GALNT18: variants seen among roughly 807,000 people sequenced by gnomAD.
The protein encoded by GALNT18 is polypeptide N-acetylgalactosaminyltransferase 18, also known as GalNAc-transferase 18.
GALNT18 carries 44 observed loss-of-function variants against 69.5 expected under a neutral mutation model. The observed-to-expected ratio is 0.63, with a 90% confidence interval of 0.50 to 0.81. GALNT18 has a LOEUF of 0.81. Ranked by LOEUF, GALNT18 falls within the 40% of genes least tolerant of loss-of-function variation. The pLI is 0.00. For synonymous variants in GALNT18, 364 were observed against 318.2 expected (o/e 1.14, Z -1.53); for missense variants, 715 against 810.0 (o/e 0.88, Z 1.42).
chr11:11,428,055 C>A (rs1368127990), intron 3 of GALNT18, among the ~76,000 whole-genome samples: 1 of 152,258 alleles, frequency 6.6e-6, no homozygotes, highest in Non-Finnish European at 1.5e-5. Flanking sequence ...TCTGATCCAT[C>A]ACCCTCTTCC....
chr11:11,294,110 T>C (rs1271501554), intron 9 of GALNT18, among the ~76,000 whole-genome samples: 1 of 151,758 alleles, frequency 6.6e-6, no homozygotes, highest in Admixed American at 6.6e-5. Context: ...CTATGATTTA[T>C]GACAGCAAAA....
At chr11:11,612,914 G>A (rs1458431257) in intron 1 of GALNT18, among the ~76,000 whole-genome samples, 3 of 152,192 alleles carry the variant, frequency 2.0e-5, no homozygotes, top group Admixed American at 6.5e-5. Flanking sequence ...ATGGAAAGTA[G>A]CCCAGCAAAG....
chr11:11,501,012 G>A (rs1161730607), intron 1 of GALNT18, among the ~76,000 whole-genome samples: 1 of 152,232 alleles, frequency 6.6e-6, no homozygotes, highest in Admixed American at 6.5e-5. Flanking sequence ...ACTCCAAGGA[G>A]GCTGACTGCA....
Position 11,463,783 on chromosome 11 carries a change from T to A in GALNT18, c.236-14847A>T, listed in dbSNP as rs1856098386. Among the ~76,000 whole-genome samples the A allele has an allele frequency of 6.6e-6, 1 of 152,214 alleles. No individual in the cohort carries two copies. Among genetic ancestry groups the A allele is most frequent in the African/African-American group, 2.4e-5 (1 of 41,450 alleles). On this transcript the variant is annotated intron_variant, in intron 1 of 10. Transcript: ENST00000227756. The surrounding 1 kb of genome is among the most constrained non-coding windows in gnomAD (Gnocchi z 4.2). Reference sequence around the variant, plus strand: ...TAGGCCATTTTCAAACAAAATCCATTTCTTGAGCATGACGGTAAAAATATT... The same window carrying A: ...TAGGCCATTTTCAAACAAAATCCATATCTTGAGCATGACGGTAAAAATATT...
chr11:11,334,482 G>A (rs185443166), intron 7 of GALNT18, among the ~76,000 whole-genome samples: 2 of 151,720 alleles, frequency 1.3e-5, no homozygotes, highest in African/African-American at 4.8e-5. Context: ...GGTGGAGCTT[G>A]CAGTGAGCCG....
intron 7 of GALNT18, among the ~76,000 whole-genome samples, chr11:11,333,204 G>A (rs1294360169): frequency 6.6e-6 from 1 of 152,060 alleles, no homozygotes; most frequent in Non-Finnish European, 1.5e-5. Flanking sequence ...GCTTTAAGGT[G>A]AGAGAGAGGG....
intron 10 of GALNT18, among the ~76,000 whole-genome samples, chr11:11,277,358 C>A (rs564504876): frequency 1.1e-4 from 17 of 152,020 alleles, no homozygotes; most frequent in Middle Eastern, 6.8e-3. Context: ...TGGTAATATC[C>A]CCTTTATCAT....
At chr11:11,533,994 T>C (rs1414666722) in intron 1 of GALNT18, among the ~76,000 whole-genome samples, 1 of 152,246 alleles carries the variant, frequency 6.6e-6, no homozygotes, top group Non-Finnish European at 1.5e-5. Context: ...GCTGTGTTGC[T>C]ATGTGCCAGC....
chr11:11,345,677 G>A (rs1850289301), intron 6 of GALNT18, among the ~76,000 whole-genome samples: 1 of 152,178 alleles, frequency 6.6e-6, no homozygotes, highest in Non-Finnish European at 1.5e-5. Flanking sequence ...AGCTGGACAG[G>A]GGATGAAGTG....
chr11:11,438,942 G>A (rs1855473246), intron 2 of GALNT18, among the ~76,000 whole-genome samples: 1 of 152,174 alleles, frequency 6.6e-6, no homozygotes, highest in Non-Finnish European at 1.5e-5. Flanking sequence ...TGTGTCTTCT[G>A]TTGTGTGGCA....
At chr11:11,271,657 G>C (rs949792207) in intron 10 of GALNT18, among the ~76,000 whole-genome samples, 1 of 116,674 alleles carries the variant, frequency 8.6e-6, no homozygotes, top group African/African-American at 3.1e-5. Context: ...CCCATCATTG[G>C]CCTGCATTTG....
chr11:11,466,967 C>T (rs1856167523), intron 1 of GALNT18, among the ~76,000 whole-genome samples: 1 of 152,188 alleles, frequency 6.6e-6, no homozygotes, highest in Non-Finnish European at 1.5e-5. Flanking sequence ...AGAAAATCTT[C>T]TTACCTACTG....
chr11:11,408,448 C>G (rs534940589), intron 3 of GALNT18, among the ~76,000 whole-genome samples: 3 of 150,984 alleles, frequency 2.0e-5, no homozygotes, highest in African/African-American at 7.3e-5. Flanking sequence ...GATCAGAGAG[C>G]ACCCAAGATT....
In GALNT18 at chr11:11,327,101, A is replaced by T; in HGVS notation, c.1497T>A (p.His499Gln). 6.2e-7 allele frequency: 1 copy of T among 1,613,316 alleles called. No individual in the cohort carries two copies. The change falls in exon 9 of 11, where the codon CAT (histidine) becomes CAA (glutamine). Residue 499 changes from histidine to glutamine, a missense_variant. Physicochemically the swap from His to Gln is conservative, Grantham distance 24. Coordinates refer to ENST00000227756, the MANE Select transcript of GALNT18 (RefSeq NM_198516.3). ...TENVPIMYIC[H>Q]GMTPQNVYYT... Reference sequence around the variant, plus strand: ...GAGGACTCACCTGAGGCGTCATCCCATGGCAGATGTACATGATGGGGACAT... The same window carrying T: ...GAGGACTCACCTGAGGCGTCATCCCTTGGCAGATGTACATGATGGGGACAT...
At chr11:11,485,044 T>G (rs974862654) in intron 1 of GALNT18, among the ~76,000 whole-genome samples, 4 of 152,180 alleles carry the variant, frequency 2.6e-5, no homozygotes, top group African/African-American at 9.7e-5. Flanking sequence ...CATGTGATCA[T>G]CATGCCAATC....
intron 8 of GALNT18, among the ~76,000 whole-genome samples, chr11:11,329,339 T>C (rs1201351986): frequency 6.6e-6 from 1 of 152,220 alleles, no homozygotes; most frequent in Non-Finnish European, 1.5e-5. Context: ...TTTCCACATA[T>C]GTCTCACCTA....
At chr11:11,271,715 C>T (rs1451061750) in intron 10 of GALNT18, among the ~76,000 whole-genome samples, 2 of 149,672 alleles carry the variant, frequency 1.3e-5, no homozygotes, top group African/African-American at 2.5e-5. Flanking sequence ...TCCATGCCCC[C>T]AGTTGGACCT....
chr11:11,489,038 T>G (rs1450710002), intron 1 of GALNT18, among the ~76,000 whole-genome samples: 1 of 152,234 alleles, frequency 6.6e-6, no homozygotes, highest in Non-Finnish European at 1.5e-5. Context: ...AGCCCACTGC[T>G]GTGGAGTATG....
chr11:11,341,906 G>A lies in GALNT18; in HGVS notation c.1093-902C>T, dbSNP rs1285286502. On this transcript the variant is annotated intron_variant, in intron 6 of 10. Coordinates refer to ENST00000227756, the MANE Select transcript of GALNT18 (RefSeq NM_198516.3). This position sits in a 1 kb window ranked among gnomAD's most constrained non-coding sequence, Gnocchi z 6.3. ...GGAGGCTAAGGTGGGAGAATCGCTT[G>A]AGCCCAGGAGTGTGAGACAAGCCTG... Among the ~76,000 whole-genome samples, 3 of 152,110 alleles carry A rather than the reference G, an allele frequency of 2.0e-5. 1 individual carries two copies. Among genetic ancestry groups the A allele is most frequent in the African/African-American group, 7.2e-5 (3 of 41,414 alleles).
Sources: allele counts gnomAD v4.1 joint callset (sites outside exome capture counted in the v4.1 genomes callset), GRCh38; gene constraint gnomAD v4.1.1; non-coding constraint Gnocchi (gnomAD v3.1); transcripts MANE v1.5; gene names NCBI Gene and HGNC (gene_info 2026-07-23, HGNC 2026-07-21).